FLACC1: variants seen among roughly 807,000 people sequenced by gnomAD.
The protein encoded by FLACC1 is flagellum-associated coiled-coil domain-containing protein 1.
FLACC1 carries 66 observed loss-of-function variants against 62.8 expected under a neutral mutation model. That is an observed-to-expected ratio of 1.05 (90% CI 0.86 to 1.29). The LOEUF is 1.29. Ranked by LOEUF, FLACC1 falls within the 50% of genes most tolerant of loss-of-function variation. FLACC1 has a pLI of 0.00. For missense variants in FLACC1, 452 were observed against 489.1 expected, an observed-to-expected ratio of 0.92 and a Z score of 0.71; for synonymous variants, 156 against 161.0, an observed-to-expected ratio of 0.97 and a Z score of 0.24.
intron 9 of FLACC1, among the ~76,000 whole-genome samples, chr2:201,314,759 G>T (rs1433717091): frequency 1.3e-5 from 2 of 152,134 alleles, no homozygotes; most frequent in African/African-American, 2.4e-5. Context: ...TTAAGATGAA[G>T]GAAAGAATCT....
intron 5 of FLACC1, among the ~76,000 whole-genome samples, 180 bp from the exon 6 acceptor site, chr2:201,344,443 A>G (rs886653230): frequency 2.6e-5 from 4 of 152,166 alleles, no homozygotes; most frequent in Non-Finnish European, 5.9e-5. Context: ...TACAGAAGGC[A>G]TTTGGCTATA....
At chr2:201,358,618 C>T (rs529443475), upstream of FLACC1, among the ~76,000 whole-genome samples, 4 of 151,882 alleles carry the variant, frequency 2.6e-5, no homozygotes, top group East Asian at 3.9e-4. Flanking sequence ...GGGGTTTCAC[C>T]GTTTTAGCCG....
intron 12 of FLACC1, among the ~76,000 whole-genome samples, chr2:201,294,536 C>T (rs1367002661): frequency 1.3e-5 from 2 of 152,124 alleles, no homozygotes; most frequent in African/African-American, 4.8e-5. Flanking sequence ...ATAATAAGAG[C>T]TATCTATGAC....
At chr2:201,302,733 C>A (rs1374387087) in intron 11 of FLACC1, among the ~76,000 whole-genome samples, 1 of 152,216 alleles carries the variant, frequency 6.6e-6, no homozygotes, top group East Asian at 1.9e-4. Context: ...CAAACCGTCT[C>A]TCAGACCACA....
rs757664701 is a variant in FLACC1, at chr2:201,289,723, G to A, written c.1005C>T (p.Tyr335=). The change falls in exon 13 of 15, where the codon TAC becomes TAT. Residue 335 remains tyrosine, a synonymous_variant. Transcript: ENST00000392257. ...LILESLNTNL[Y]YTQLELQKEK... Reference sequence around the variant, plus strand: ...CTTTCTGGAGTTCCAACTGGGTATAGTAGAGGTTTGTGTTCAGTGACTCTA... The same window carrying A: ...CTTTCTGGAGTTCCAACTGGGTATAATAGAGGTTTGTGTTCAGTGACTCTA... The A allele has an allele frequency of 1.9e-6, 3 of 1,614,142 alleles. No homozygotes were observed. Among genetic ancestry groups the A allele is most frequent in the Non-Finnish European group, 1.7e-6 (2 of 1,180,000 alleles).
intron 9 of FLACC1, among the ~76,000 whole-genome samples, chr2:201,321,044 T>A (rs1024860721): frequency 6.6e-6 from 1 of 152,158 alleles, no homozygotes; most frequent in African/African-American, 2.4e-5. Context: ...CCTGAGTTTG[T>A]CCACATGACC....
chr2:201,361,916 C>T (rs1161748376), upstream of FLACC1, among the ~76,000 whole-genome samples: 1 of 144,012 alleles, frequency 6.9e-6, no homozygotes. Flanking sequence ...AACTAAAGAA[C>T]AAAACACTTC....
chr2:201,338,646 T>C (rs1950743419), intron 7 of FLACC1, among the ~76,000 whole-genome samples: 1 of 152,216 alleles, frequency 6.6e-6, no homozygotes, highest in Non-Finnish European at 1.5e-5. Context: ...GAAATGCTTT[T>C]TCTGCATCTA....
At chr2:201,360,727 G>A (rs1951179404), upstream of FLACC1, among the ~76,000 whole-genome samples, 1 of 152,158 alleles carries the variant, frequency 6.6e-6, no homozygotes, top group Admixed American at 6.5e-5. Flanking sequence ...TGAGCCCTGG[G>A]CTTTAGAGGG....
At chr2:201,322,743 G>A (rs887696244) in intron 9 of FLACC1, among the ~76,000 whole-genome samples, 5 of 152,018 alleles carry the variant, frequency 3.3e-5, no homozygotes, top group Non-Finnish European at 7.4e-5. Context: ...AAAGTAGGAC[G>A]AACTCTTTAA....
intron 7 of FLACC1, among the ~76,000 whole-genome samples, chr2:201,335,880 A>C (rs934639424): frequency 1.6e-4 from 24 of 152,126 alleles, no homozygotes; most frequent in African/African-American, 5.8e-4. Flanking sequence ...CAGTGTAGAA[A>C]TCTTCCACTT....
chr2:201,306,018 G>A (rs759518197), intron 11 of FLACC1, among the ~76,000 whole-genome samples: 9 of 151,714 alleles, frequency 5.9e-5, no homozygotes, highest in Non-Finnish European at 1.2e-4. Context: ...CACCAACATG[G>A]CACATGTATA....
intron 9 of FLACC1, 60 bp downstream of exon 9, chr2:201,330,410 A>G (rs1268366489): frequency 3.2e-5 from 48 of 1,492,032 alleles, no homozygotes; most frequent in Non-Finnish European, 4.3e-5. Context: ...ATTTATCCCA[A>G]TGTTAGCCAG....
At chr2:201,304,914 T>C (rs1000228137) in intron 11 of FLACC1, among the ~76,000 whole-genome samples, 6 of 152,062 alleles carry the variant, frequency 3.9e-5, no homozygotes, top group African/African-American at 7.2e-5. Context: ...CTTCCTTACA[T>C]CTTATACAAA....
chr2:201,355,431 A>G (rs1951100838), intron 1 of FLACC1, among the ~76,000 whole-genome samples: 1 of 152,230 alleles, frequency 6.6e-6, no homozygotes, highest in African/African-American at 2.4e-5. Flanking sequence ...GGTAAATTGT[A>G]TGGGTGATAC....
upstream of FLACC1, among the ~76,000 whole-genome samples, chr2:201,362,336 CT>C (rs1024159722): frequency 3.3e-5 from 5 of 149,372 alleles, no homozygotes; most frequent in South Asian, 2.1e-4. Flanking sequence ...AAAACAGTTT[CT>C]TTTTTTTTTC....
Position 201,348,380 on chromosome 2 carries a change from C to A in FLACC1, c.186-78G>T, listed in dbSNP as rs377577216. 6 of 1,449,842 alleles carry A rather than the reference C, an allele frequency of 4.1e-6. No individual in the cohort carries two copies. In the African/African-American group the frequency reaches 5.6e-5, roughly 14 times the overall value. The allele number at this position is 1,449,842 out of a possible 1,614,324, so 89.8% of individuals were successfully genotyped here. A position where few individuals can be genotyped will look rare whatever the true frequency, so the allele number is the denominator to read the frequency against. The stretch of plus-strand genomic sequence containing the variant: ...AAGCTTAGGAGCTGAACCCTGAGGC[C>A]GCCACCATCTGACTTCTGCTCTCTG... On this transcript the variant is annotated intron_variant, in intron 3 of 14. Transcript: ENST00000392257.
chr2:201,352,158 C>T (rs1427833210), intron 1 of FLACC1: 1 of 152,144 alleles, frequency 6.6e-6, no homozygotes, highest in Non-Finnish European at 1.5e-5. Context: ...CAAGCTCCTT[C>T]CTTTCCAGCA....
rs763058005 is a variant in FLACC1, at chr2:201,299,337, G to T, written c.880-37C>A. The T allele has an allele frequency of 1.9e-6, 3 of 1,566,650 alleles. No individual in the cohort carries two copies. The Admixed American group carries it at 5.1e-5, about 26-fold the overall frequency. On this transcript the variant is annotated intron_variant, in intron 11 of 14. Transcript: ENST00000392257. The stretch of plus-strand genomic sequence containing the variant: ...TTTATTGGGAAAAGGTTAGCACTGT[G>T]GTTCTGGCACATCTTCTAGGGAGTT...
Sources: allele counts gnomAD v4.1 joint callset (sites outside exome capture counted in the v4.1 genomes callset), GRCh38; gene constraint gnomAD v4.1.1; transcripts MANE v1.5; gene names NCBI Gene and HGNC (gene_info 2026-07-23, HGNC 2026-07-21).